The following JPH3 variants were observed in gnomAD, a reference collection of about 807,000 sequenced individuals.
JPH3 encodes the protein junctophilin-3.
A neutral mutation model predicts 59.6 loss-of-function variants in JPH3; 11 were observed. That is an observed-to-expected ratio of 0.18 (90% CI 0.12 to 0.31). The LOEUF is 0.31. JPH3 is among the 10% of genes least tolerant of loss of function. The pLI, the probability that JPH3 is intolerant of heterozygous loss-of-function variation, is 1.00. For synonymous variants in JPH3, 673 were observed against 483.6 expected (o/e 1.39, Z -5.14); for missense variants, 1,202 against 1,105.7 (o/e 1.09, Z -1.24).
At position 87,672,473 on chromosome 16, in the gene JPH3, G is replaced by C. The variant is rs545354737; in HGVS notation, c.1161-11669G>C. Reference sequence around the variant, plus strand: ...GGGTGGGCATGATGGGCAGCTTTGCGGAGCCTCCTCAGCACAGAGCCGCAC... The same window carrying C: ...GGGTGGGCATGATGGGCAGCTTTGCCGAGCCTCCTCAGCACAGAGCCGCAC... On this transcript the variant is annotated intron_variant, in intron 2 of 4. Transcript: ENST00000284262. 2.6e-5 allele frequency among the ~76,000 whole-genome samples: 4 copies of C among 152,354 alleles called. No individual in the cohort carries two copies. In the South Asian group the frequency reaches 8.3e-4, roughly 32 times the overall value.
intron 1 of JPH3, among the ~76,000 whole-genome samples, chr16:87,642,555 C>A (rs1296914240): frequency 6.6e-6 from 1 of 152,266 alleles, no homozygotes; most frequent in Non-Finnish European, 1.5e-5. Flanking sequence ...GCCTCCAGGC[C>A]TCTGGTCTGC....
At chr16:87,664,321 G>C (rs1041468470) in intron 2 of JPH3, among the ~76,000 whole-genome samples, 5 of 115,238 alleles carry the variant, frequency 4.3e-5, no homozygotes, top group African/African-American at 1.8e-4. Context: ...GACAGAATGA[G>C]ACTCTGTCTG....
chr16:87,660,090 C>A (rs1246270495), intron 2 of JPH3, among the ~76,000 whole-genome samples: 1 of 152,150 alleles, frequency 6.6e-6, no homozygotes, highest in Non-Finnish European at 1.5e-5. Context: ...AGCGTCACCT[C>A]CCTGTGCCTC....
chr16:87,619,407 C>T (rs1399634529), intron 1 of JPH3, among the ~76,000 whole-genome samples: 1 of 152,198 alleles, frequency 6.6e-6, no homozygotes, highest in African/African-American at 2.4e-5. Context: ...CACCGGCTCC[C>T]CTGCACCCCA....
rs760368196 is a variant in JPH3, at chr16:87,690,260, G to A, written c.1900G>A (p.Gly634Ser). 1.0e-5 allele frequency: 16 copies of A among 1,602,836 alleles called. No homozygotes were observed. In the Admixed American group the frequency reaches 1.9e-4, roughly 19 times the overall value. Residue 634 changes from glycine (G) to serine (S), a missense_variant, in exon 4 of 5, where the codon GGC (glycine) becomes AGC (serine). Gly to Ser is a moderately conservative substitution (Grantham distance 56). Coordinates refer to ENST00000284262, the MANE Select transcript of JPH3 (RefSeq NM_020655.4). ...CCAGAAAAGACGCTACAGCAAGGGC[G>A]GCGCCTGCCGGGGCTTGGGGGACGA... ...HPQKRRYSKG[G>S]ACRGLGDDHR...
chr16:87,625,375 TCCA>T (rs1398629509), intron 1 of JPH3, among the ~76,000 whole-genome samples: 1 of 152,100 alleles, frequency 6.6e-6, no homozygotes, highest in Non-Finnish European at 1.5e-5. Context: ...ACTCTCCTCC[TCCA>T]CACCAGCCCC....
chr16:87,687,562 G>A (rs113187242), intron 3 of JPH3, among the ~76,000 whole-genome samples: 1,613 of 152,296 alleles, frequency 0.011, 35 homozygotes, highest in African/African-American at 0.037. Context: ...GGTGCCATCC[G>A]CCCCCGCCCC....
rs1375539297 is a variant in JPH3 at position 87,602,723 on chromosome 16, G to A, written c.-424G>A. 1.5e-5 allele frequency among the ~76,000 whole-genome samples: 2 copies of A among 134,872 alleles called. No homozygotes were observed. The highest frequency in any genetic ancestry group is 5.4e-5 in the African/African-American group (2 of 37,148). The allele number at this position is 134,872 out of a possible 152,430, so 88.5% of individuals were successfully genotyped here. ...CGCCCGCAGCGCGGCAGCCGCAGGT[G>A]GGGGGCCGCGGCCCGGGCCTGAGCT... On this transcript the variant is annotated 5_prime_UTR_variant, in exon 1 of 5. It introduces an in-frame stop codon into an upstream open reading frame of the 5' UTR. Transcript: ENST00000284262.
Position 87,689,892 on chromosome 16 carries a change from G to T in JPH3, c.1532G>T (p.Arg511Leu). ...FSRQVSVDEE[R>L]GGDIQMLLEG... ...AGGCAGGTGTCGGTGGACGAGGAGC[G>T]GGGCGGGGACATCCAGATGCTCCTG... Residue 511 changes from arginine to leucine, a missense_variant, in exon 4 of 5, where the codon CGG becomes CTG. Physicochemically the swap from Arg to Leu is moderately radical, Grantham distance 102. Coordinates refer to ENST00000284262, the MANE Select transcript of JPH3 (RefSeq NM_020655.4). The T allele has an allele frequency of 6.8e-7, 1 of 1,472,026 alleles. No homozygotes were observed. Among genetic ancestry groups the T allele is most frequent in the Non-Finnish European group, 9.0e-7 (1 of 1,112,246 alleles). The allele number at this position is 1,472,026 out of a possible 1,614,324, so 91.2% of individuals were successfully genotyped here. A position where few individuals can be genotyped will look rare whatever the true frequency, so the allele number is the denominator to read the frequency against.
chr16:87,670,758 C>T (rs149089842), intron 2 of JPH3, among the ~76,000 whole-genome samples: 1 of 152,348 alleles, frequency 6.6e-6, no homozygotes, highest in African/African-American at 2.4e-5. Flanking sequence ...ACGCAGGGGC[C>T]TGCCCTGTGC....
intron 1 of JPH3, among the ~76,000 whole-genome samples, chr16:87,619,832 C>A (rs376475471): frequency 7.3e-4 from 111 of 152,254 alleles, no homozygotes; most frequent in African/African-American, 2.4e-3. Flanking sequence ...CAGCTTCCTG[C>A]GGGGCACGGA....
At chr16:87,684,553 C>T in intron 3 of JPH3, 1 of 413,878 alleles carries the variant, frequency 2.4e-6, no homozygotes, top group Non-Finnish European at 4.4e-6. Context: ...TGAATTCCCA[C>T]CTGCCCAGCC....
At chr16:87,658,744 C>T (rs1188451883) in intron 2 of JPH3, among the ~76,000 whole-genome samples, 8 of 152,196 alleles carry the variant, frequency 5.3e-5, no homozygotes, top group African/African-American at 1.9e-4. Flanking sequence ...AGCTGCCTTT[C>T]CTAAGCCCCT....
intron 2 of JPH3, among the ~76,000 whole-genome samples, chr16:87,662,034 T>C (rs987033674): frequency 7.2e-5 from 11 of 152,216 alleles, no homozygotes. Context: ...ACAAATTTGA[T>C]TTTTAAGGAA....
At chr16:87,649,573 A>C (rs568180623) in intron 2 of JPH3, among the ~76,000 whole-genome samples, 1 of 152,206 alleles carries the variant, frequency 6.6e-6, no homozygotes, top group Non-Finnish European at 1.5e-5. Context: ...AAAGTCCTGC[A>C]GTGTGACATG....
chr16:87,604,289 T>TGCC, intron 1 of JPH3: 1 of 969,574 alleles, frequency 1.0e-6, no homozygotes, highest in South Asian at 2.0e-5. Flanking sequence ...GGGAGCTGCC[T>TGCC]GCTGCTGCTG....
rs566244898 is a variant in JPH3, at chr16:87,652,823, G to A, written c.1160+7788G>A. On this transcript the variant is annotated intron_variant, in intron 2 of 4. Transcript: ENST00000284262. ...CTGTCTGTGATTTTTCCGTGTGAAT[G>A]CAGCCTTGACTGGGCATGTAGATCA... 6.6e-5 allele frequency among the ~76,000 whole-genome samples: 10 copies of A among 152,370 alleles called. No homozygotes were observed. The South Asian group carries it at 1.9e-3, about 28-fold the overall frequency.
intron 3 of JPH3, among the ~76,000 whole-genome samples, chr16:87,687,384 C>T (rs928438251): frequency 3.3e-5 from 5 of 152,222 alleles, no homozygotes; most frequent in African/African-American, 9.6e-5. Flanking sequence ...CCATCCAGCG[C>T]TTCGGCTGCA....
intron 2 of JPH3, among the ~76,000 whole-genome samples, chr16:87,675,772 CCT>C (rs2033128274): frequency 6.6e-6 from 1 of 152,168 alleles, no homozygotes; most frequent in Non-Finnish European, 1.5e-5. Context: ...CTGCCCAGGC[CCT>C]GTTCCCCAGC....
Sources: allele counts gnomAD v4.1 joint callset (sites outside exome capture counted in the v4.1 genomes callset), GRCh38; gene constraint gnomAD v4.1.1; transcripts MANE v1.5; gene names NCBI Gene and HGNC (gene_info 2026-07-23, HGNC 2026-07-21).